The following SYNE1 variants were observed in gnomAD, a reference collection of about 807,000 sequenced individuals.
SYNE1 encodes the protein nesprin-1.
SYNE1 carries 616 observed loss-of-function variants against 1,111.0 expected under a neutral mutation model. That is an observed-to-expected ratio of 0.55 (90% CI 0.52 to 0.59). The LOEUF is 0.59. Ranked by LOEUF, SYNE1 falls within the 20% of genes least tolerant of loss-of-function variation. The pLI, the probability that SYNE1 is intolerant of heterozygous loss-of-function variation, is 0.00. For missense variants in SYNE1, 10,006 were observed against 10,417.0 expected (o/e 0.96, Z 1.72); for synonymous variants, 3,855 against 3,825.8 (o/e 1.01, Z -0.28).
At chr6:152,623,404 C>A (rs377257463) in intron 3 of SYNE1, among the ~76,000 whole-genome samples, 9 of 152,044 alleles carry the variant, frequency 5.9e-5, no homozygotes, top group African/African-American at 2.2e-4. Context: ...ATGTAAAACA[C>A]AAAACTATAA....
chr6:152,254,242 C>CTA (rs1260160005), intron 104 of SYNE1, among the ~76,000 whole-genome samples: 3 of 111,346 alleles, frequency 2.7e-5, no homozygotes, highest in African/African-American at 6.7e-5. Context: ...TTTCTGCATA[C>CTA]TCTTTTTTTT....
intron 3 of SYNE1, among the ~76,000 whole-genome samples, chr6:152,621,822 A>G (rs1583584793): frequency 6.6e-6 from 1 of 152,070 alleles, no homozygotes; most frequent in Non-Finnish European, 1.5e-5. Context: ...TGCTCAAAAC[A>G]TTGTATCTAC....
intron 117 of SYNE1, among the ~76,000 whole-genome samples, chr6:152,224,135 T>G (rs563660159): frequency 2.0e-4 from 30 of 152,298 alleles, no homozygotes; most frequent in African/African-American, 6.5e-4. Context: ...TTTTGAACAT[T>G]CCTTAGAATA....
chr6:152,506,108 C>T (rs770312475), intron 8 of SYNE1, among the ~76,000 whole-genome samples: 9 of 152,176 alleles, frequency 5.9e-5, no homozygotes, highest in Admixed American at 6.5e-5. Flanking sequence ...TCTTTGATGG[C>T]GGATTTGATT....
chr6:152,267,912 G>A (rs1486743761), intron 100 of SYNE1, 144 bp downstream of exon 100: 2 of 745,528 alleles, frequency 2.7e-6, no homozygotes. Context: ...TCAAAATGCA[G>A]GTACATTTAC....
At chr6:152,230,828 T>C (rs2082604927) in intron 114 of SYNE1, 126 bp from the exon 115 acceptor site, 3 of 1,143,006 alleles carry the variant, frequency 2.6e-6, no homozygotes, top group South Asian at 2.8e-5. Flanking sequence ...TCATCGTATA[T>C]ATGATTTAAA....
At chr6:152,491,253 C>T (rs1433781137) in intron 11 of SYNE1, among the ~76,000 whole-genome samples, 1 of 151,968 alleles carries the variant, frequency 6.6e-6, no homozygotes, top group Admixed American at 6.6e-5. Context: ...TATTCACCCA[C>T]ATTCCACTAG....
At chr6:152,498,565 A>T (rs2099011803) in intron 11 of SYNE1, among the ~76,000 whole-genome samples, 177 bp downstream of exon 11, 1 of 152,186 alleles carries the variant, frequency 6.6e-6, no homozygotes, top group Non-Finnish European at 1.5e-5. Context: ...TATCACTAAC[A>T]TTTGGTAACA....
chr6:152,518,853 CAGAGATAG>C (rs541699144), intron 6 of SYNE1, among the ~76,000 whole-genome samples: 24 of 137,370 alleles, frequency 1.7e-4, no homozygotes, highest in Non-Finnish European at 3.6e-4. Context: ...TACACACATA[CAGAGATAG>C]AGAGAGAGAG....
At chr6:152,380,590 C>T in intron 56 of SYNE1, 1 of 247,398 alleles carries the variant, frequency 4.0e-6, no homozygotes, top group Non-Finnish European at 7.9e-6. Flanking sequence ...TAGGAGATTA[C>T]CAAGTGAGTC....
At position 152,350,248 on chromosome 6, in the gene SYNE1, T is replaced by C; in HGVS notation, c.11821A>G (p.Met3941Val). ...TCAGGTGCCACCAGTCTGCCAGACATCTGCAGCAGCCACTTTTCGACCTCT... is the reference window on the plus strand; with the variant it reads ...TCAGGTGCCACCAGTCTGCCAGACACCTGCAGCAGCCACTTTTCGACCTCT... Reference protein sequence around the residue: ...LQEVEKWLLQMSGRLVAPDLL... With the variant: ...LQEVEKWLLQVSGRLVAPDLL... Residue 3941 changes from methionine to valine, a missense_variant, in exon 72 of 146, where the codon ATG (methionine) becomes GTG (valine). By Grantham distance (21) the Met-to-Val change is conservative. This residue lies in a region of SYNE1 where 4,955 missense variants were observed against 5,017.2 expected (regional missense o/e 0.99). Transcript: ENST00000367255. 6.2e-7 allele frequency: 1 copy of C among 1,614,166 alleles called. No homozygotes were observed. Among genetic ancestry groups the C allele is most frequent in the African/African-American group, 1.3e-5 (1 of 75,054 alleles).
chr6:152,596,207 A>G (rs1300819664), intron 3 of SYNE1, among the ~76,000 whole-genome samples: 1 of 144,032 alleles, frequency 6.9e-6, no homozygotes, highest in Non-Finnish European at 1.5e-5. Context: ...ATTTTACATT[A>G]TGAGGTATTT....
At chr6:152,321,660 T>G in intron 83 of SYNE1, 61 bp downstream of exon 83, 1 of 1,600,446 alleles carries the variant, frequency 6.2e-7, no homozygotes, top group Admixed American at 1.7e-5. Flanking sequence ...TATGTTCAAC[T>G]AAAATCAGGG....
chr6:152,298,485 A>T (rs1464286698), intron 93 of SYNE1, among the ~76,000 whole-genome samples: 1 of 152,242 alleles, frequency 6.6e-6, no homozygotes, highest in African/African-American at 2.4e-5. Flanking sequence ...AGCTACTGTC[A>T]GAGACAGAAT....
rs749058571 is a variant in SYNE1, at chr6:152,225,873, G to C, written c.21199C>G (p.Leu7067Val). The C allele has an allele frequency of 7.4e-6, 12 of 1,612,406 alleles. No homozygotes were observed. The South Asian group carries it at 1.3e-4, about 18-fold the overall frequency. ...TCTTTTGCTTTAATCAAATCTTCCA[G>C]ATCCTGAAAGATTTAAAAAATAGTC... Reference protein sequence around the residue: ...VQNALKDCQDLEDLIKAKEKE... With the variant: ...VQNALKDCQDVEDLIKAKEKE... Residue 7067 changes from leucine (L) to valine (V), a missense_variant, in exon 116 of 146, where the codon CTG becomes GTG. Around this residue, in one of 7 missense-constraint regions of SYNE1, gnomAD observed 2,182 missense variants for 2,287.8 expected, o/e 0.95. Coordinates refer to ENST00000367255, the MANE Select transcript of SYNE1 (RefSeq NM_182961.4).
intron 73 of SYNE1, among the ~76,000 whole-genome samples, chr6:152,346,216 G>A (rs2096627446): frequency 6.6e-6 from 1 of 152,028 alleles, no homozygotes; most frequent in African/African-American, 2.4e-5. Flanking sequence ...CCCCAGGCTG[G>A]AGTGCAGTGG....
intron 3 of SYNE1, among the ~76,000 whole-genome samples, chr6:152,563,937 C>T: frequency 6.6e-6 from 1 of 151,844 alleles, no homozygotes; most frequent in East Asian, 1.9e-4. Context: ...AAGAGAATCA[C>T]ACCATTTTTT....
Position 152,310,000 on chromosome 6 carries a change from C to A in SYNE1, c.17037G>T (p.Met5679Ile). ...CTTGCACCTTCGGCTTCAGTGACTCCATCTCAGACAACAAATGCTGAAAAT... is the reference window on the plus strand; with the variant it reads ...CTTGCACCTTCGGCTTCAGTGACTCAATCTCAGACAACAAATGCTGAAAAT... ...LSHRQHLLSEMESLKPKVQAV... is the reference protein window; with the variant it reads ...LSHRQHLLSEIESLKPKVQAV... Residue 5679 changes from methionine (M) to isoleucine (I), a missense_variant, in exon 90 of 146, where the codon ATG (methionine) becomes ATT (isoleucine). This residue lies in a region of SYNE1 where 4,955 missense variants were observed against 5,017.2 expected (regional missense o/e 0.99). Coordinates refer to ENST00000367255, the MANE Select transcript of SYNE1 (RefSeq NM_182961.4). 6.2e-7 allele frequency: 1 copy of A among 1,613,896 alleles called. No individual in the cohort carries two copies. Among genetic ancestry groups the A allele is most frequent in the Non-Finnish European group, 8.5e-7 (1 of 1,180,034 alleles).
Position 152,488,655 on chromosome 6 carries a change from C to T in SYNE1, c.940-152G>A. 3 of 525,214 alleles carry T rather than the reference C, an allele frequency of 5.7e-6. No individual in the cohort carries two copies. In the South Asian group the frequency reaches 9.6e-5, roughly 17 times the overall value. 32.5% of individuals were successfully genotyped at this position (525,214 alleles called of 1,614,324 possible). A position where few individuals can be genotyped will look rare whatever the true frequency, so the allele number is the denominator to read the frequency against. On this transcript the variant is annotated intron_variant, in intron 11 of 145. Transcript: ENST00000367255. ...TTTCTCCTTACCCCCACCTTTAGGACAGTAAGAAGCAAAAGTTAACTCTAG... is the reference window on the plus strand; with the variant it reads ...TTTCTCCTTACCCCCACCTTTAGGATAGTAAGAAGCAAAAGTTAACTCTAG...
Sources: allele counts gnomAD v4.1 joint callset (sites outside exome capture counted in the v4.1 genomes callset), GRCh38; gene constraint gnomAD v4.1.1; regional missense constraint gnomAD v4.1.1; transcripts MANE v1.5; gene names NCBI Gene and HGNC (gene_info 2026-07-23, HGNC 2026-07-21).